Variants in RBMS3 observed in about 807,000 individuals in gnomAD.
RBMS3 encodes the protein RNA binding motif single stranded interacting protein 3.
A neutral mutation model predicts 66.8 loss-of-function variants in RBMS3; 27 were observed. The ratio of observed to expected loss-of-function variants is 0.40; its 90% CI spans 0.30 to 0.56. RBMS3 has a LOEUF of 0.56. Ranked by LOEUF, RBMS3 falls within the 20% of genes least tolerant of loss-of-function variation. The probability of loss-of-function intolerance (pLI) is 0.40; values close to 1 mark genes in which losing one functional copy is unlikely to be tolerated. For synonymous variants in RBMS3, 188 were observed against 183.0 expected, an observed-to-expected ratio of 1.03 and a Z score of -0.22; for missense variants, 513 against 549.5, an observed-to-expected ratio of 0.93 and a Z score of 0.66.
chr3:29,368,598 A>G (rs749753557), intron 1 of RBMS3, among the ~76,000 whole-genome samples: 3 of 152,114 alleles, frequency 2.0e-5, no homozygotes, highest in Admixed American at 6.6e-5. Context: ...CAGTTTAAAT[A>G]GAATGAAGAA....
At chr3:29,707,742 G>A (rs950307509) in intron 4 of RBMS3, among the ~76,000 whole-genome samples, 2 of 152,196 alleles carry the variant, frequency 1.3e-5, no homozygotes, top group Admixed American at 1.3e-4. Context: ...TCTGCCATGG[G>A]ACAATTTCTT....
At chr3:29,682,930 T>C (rs1029581673) in intron 4 of RBMS3, among the ~76,000 whole-genome samples, 8 of 152,230 alleles carry the variant, frequency 5.3e-5, no homozygotes, top group African/African-American at 1.9e-4. Flanking sequence ...TTACTCTTCC[T>C]ATGCAAAGTG....
intron 3 of RBMS3, among the ~76,000 whole-genome samples, chr3:29,573,869 T>C (rs954844687): frequency 6.6e-6 from 1 of 152,206 alleles, no homozygotes; most frequent in Non-Finnish European, 1.5e-5. Context: ...GTTCATATAG[T>C]TTCCAAAATT....
At chr3:29,384,122 C>T (rs373864759) in intron 1 of RBMS3, among the ~76,000 whole-genome samples, 1 of 152,160 alleles carries the variant, frequency 6.6e-6, no homozygotes, top group East Asian at 1.9e-4. Flanking sequence ...TCAAGACCAG[C>T]TGGGGCAACA....
chr3:29,718,877 T>A (rs2053522670), intron 4 of RBMS3, among the ~76,000 whole-genome samples: 1 of 152,192 alleles, frequency 6.6e-6, no homozygotes, highest in South Asian at 2.1e-4. Context: ...CATTTCCAAG[T>A]CAGTACATGC....
chr3:29,628,457 T>C (rs897609207), intron 4 of RBMS3, among the ~76,000 whole-genome samples: 4 of 152,106 alleles, frequency 2.6e-5, no homozygotes, highest in Non-Finnish European at 5.9e-5. Flanking sequence ...GTGGTTTTTA[T>C]AGGGGGCTGG....
At chr3:29,872,641 C>A (rs1351072779) in intron 7 of RBMS3, among the ~76,000 whole-genome samples, 1 of 152,138 alleles carries the variant, frequency 6.6e-6, no homozygotes, top group Non-Finnish European at 1.5e-5. Flanking sequence ...TATATCTTAT[C>A]ATTTGGTAAA....
At chr3:29,696,897 A>G in intron 4 of RBMS3, 1 of 936,542 alleles carries the variant, frequency 1.1e-6, no homozygotes, top group Non-Finnish European at 1.3e-6. Context: ...TTTATACACC[A>G]ACCCCTGATT....
intron 2 of RBMS3, among the ~76,000 whole-genome samples, chr3:29,464,721 A>T (rs1046761342): frequency 6.6e-6 from 1 of 152,152 alleles, no homozygotes; most frequent in Non-Finnish European, 1.5e-5. Flanking sequence ...CAGGAAAAAA[A>T]TACACTGAGA....
intron 1 of RBMS3, among the ~76,000 whole-genome samples, chr3:29,357,296 G>T (rs556043406): frequency 1.3e-5 from 2 of 152,090 alleles, no homozygotes; most frequent in Non-Finnish European, 2.9e-5. Context: ...AGAACACGCG[G>T]TGTTTGGTTT....
At chr3:29,871,668 G>C (rs1176881129) in intron 7 of RBMS3, among the ~76,000 whole-genome samples, 2 of 152,080 alleles carry the variant, frequency 1.3e-5, no homozygotes, top group Non-Finnish European at 2.9e-5. Context: ...TAATAGCACA[G>C]ACTGAGGCTA....
At chr3:29,689,805 A>G (rs2051894775) in intron 4 of RBMS3, among the ~76,000 whole-genome samples, 1 of 151,032 alleles carries the variant, frequency 6.6e-6, no homozygotes, top group Non-Finnish European at 1.5e-5. Context: ...TATGGCCAGG[A>G]GCAGTGGCTC....
At chr3:29,347,109 G>A (rs2036622666) in intron 1 of RBMS3, among the ~76,000 whole-genome samples, 1 of 152,144 alleles carries the variant, frequency 6.6e-6, no homozygotes, top group Non-Finnish European at 1.5e-5. Context: ...TGACCAAAAG[G>A]AAATATGAAG....
chr3:29,834,405 A>G (rs969245044), intron 6 of RBMS3, among the ~76,000 whole-genome samples: 2 of 152,120 alleles, frequency 1.3e-5, no homozygotes, highest in Non-Finnish European at 2.9e-5. Context: ...CTGTTAATAG[A>G]TGAACAATAT....
intron 5 of RBMS3, among the ~76,000 whole-genome samples, chr3:29,761,326 C>T (rs35961148): frequency 6.6e-6 from 1 of 151,914 alleles, no homozygotes; most frequent in African/African-American, 2.4e-5. Flanking sequence ...TAGCTCAAAA[C>T]TGGAACTCGT....
intron 2 of RBMS3, among the ~76,000 whole-genome samples, chr3:29,475,489 A>G (rs1296307118): frequency 2.0e-5 from 3 of 152,108 alleles, no homozygotes; most frequent in Admixed American, 1.3e-4. Context: ...AGCTCAGGCA[A>G]TCCGTCCAGC....
intron 6 of RBMS3, chr3:29,767,525 GT>G (rs1429197845): frequency 6.6e-6 from 1 of 151,940 alleles, no homozygotes; most frequent in Non-Finnish European, 1.5e-5. Flanking sequence ...TGCACAAGTA[GT>G]TATGTATCAG....
intron 14 of RBMS3, among the ~76,000 whole-genome samples, chr3:30,000,110 G>A (rs34579131): frequency 0.025 from 3,848 of 151,716 alleles, 119 homozygotes; most frequent in East Asian, 0.17. Flanking sequence ...AACAGGCAAC[G>A]TACAGAATGG....
chr3:29,609,359 A>G (rs12487575), intron 4 of RBMS3, among the ~76,000 whole-genome samples: 47,741 of 151,672 alleles, frequency 0.31, 8,557 homozygotes, highest in African/African-American at 0.49. Context: ...CAATGAAAGA[A>G]CTGATGAAAG....
Sources: gnomAD v4.1 joint callset for allele counts (sites outside exome capture counted in the v4.1 genomes callset) on GRCh38, gnomAD v4.1.1 for gene constraint, MANE v1.5 for transcripts, NCBI Gene and HGNC (gene_info 2026-07-23, HGNC 2026-07-21) for gene names.